Variants in CNBD1 observed in about 807,000 individuals in gnomAD.
CNBD1 encodes cyclic nucleotide binding domain containing 1.
Under a neutral mutation model 54.4 loss-of-function variants are expected in CNBD1, and 71 were observed. The observed-to-expected ratio is 1.30, with a 90% CI of 1.08 to 1.59. The LOEUF (loss-of-function observed/expected upper bound fraction) is 1.59, where lower values mean the gene tolerates loss of function less well. Among genes scored for constraint, CNBD1 ranks in the 40% most tolerant of loss-of-function variants. CNBD1 has a pLI of 0.00. For synonymous variants in CNBD1, 182 were observed against 170.7 expected, an observed-to-expected ratio of 1.07 and a Z score of -0.51; for missense variants, 659 against 518.0, an observed-to-expected ratio of 1.27 and a Z score of -2.64.
intron 4 of CNBD1, among the ~76,000 whole-genome samples, chr8:87,046,491 G>A (rs1034486966): frequency 5.3e-5 from 8 of 151,952 alleles, no homozygotes; most frequent in African/African-American, 9.7e-5. Context: ...ATAATAGGTC[G>A]GGGACCACTG....
At chr8:87,352,217 A>C (rs967728350) in intron 9 of CNBD1, among the ~76,000 whole-genome samples, 5 of 152,164 alleles carry the variant, frequency 3.3e-5, no homozygotes, top group Non-Finnish European at 5.9e-5. Context: ...ACAGTGGCTC[A>C]TGTCTGTAAT....
intron 5 of CNBD1, among the ~76,000 whole-genome samples, chr8:87,211,959 T>A (rs930588567): frequency 2.6e-5 from 4 of 152,160 alleles, no homozygotes; most frequent in Non-Finnish European, 4.4e-5. Flanking sequence ...ATTAATGTAT[T>A]AAATTGGTAA....
chr8:87,370,726 G>C (rs1448156915), intron 10 of CNBD1, among the ~76,000 whole-genome samples: 1 of 148,154 alleles, frequency 6.7e-6, no homozygotes, highest in Non-Finnish European at 1.5e-5. Context: ...AAGCTCTTTA[G>C]TTTAATTAGA....
At chr8:87,199,438 A>G (rs986937775) in intron 4 of CNBD1, among the ~76,000 whole-genome samples, 4 of 152,206 alleles carry the variant, frequency 2.6e-5, no homozygotes, top group African/African-American at 9.6e-5. Flanking sequence ...GGAGGTAAGT[A>G]TACACTCTTG....
intron 8 of CNBD1, among the ~76,000 whole-genome samples, chr8:87,321,710 C>A (rs1259201188): frequency 6.6e-6 from 1 of 151,584 alleles, no homozygotes. Context: ...TCTCATTTGT[C>A]TATTTTTGCT....
chr8:87,389,359 C>A (rs1811260414), intron 2 of CNBD1, among the ~76,000 whole-genome samples: 1 of 152,146 alleles, frequency 6.6e-6, no homozygotes, highest in Admixed American at 6.6e-5. Context: ...ACCCCAGCGT[C>A]TCAGCCCAAA....
At chr8:87,257,751 T>C (rs569325661) in intron 6 of CNBD1, among the ~76,000 whole-genome samples, 10 of 152,286 alleles carry the variant, frequency 6.6e-5, no homozygotes, top group Admixed American at 5.9e-4. Context: ...ACAGGTAATT[T>C]GACTTAGACT....
chr8:87,228,263 G>C (rs1483116691), intron 5 of CNBD1, among the ~76,000 whole-genome samples: 2 of 151,398 alleles, frequency 1.3e-5, no homozygotes, highest in Admixed American at 6.6e-5. Context: ...TCTCCGTCCA[G>C]CTTTGTTCCG....
At chr8:87,035,202 G>A (rs1231685362) in intron 4 of CNBD1, among the ~76,000 whole-genome samples, 1 of 151,980 alleles carries the variant, frequency 6.6e-6, no homozygotes, top group East Asian at 1.9e-4. Flanking sequence ...TTAAATGCAG[G>A]GGGTGCACAT....
chr8:87,007,446 G>C (rs1809126537), intron 4 of CNBD1, among the ~76,000 whole-genome samples: 1 of 151,906 alleles, frequency 6.6e-6, no homozygotes, highest in African/African-American at 2.4e-5. Flanking sequence ...TTATCTTTCA[G>C]ATGTAAAAAG....
chr8:87,236,358 T>C (rs1320808576), intron 5 of CNBD1, among the ~76,000 whole-genome samples: 1 of 152,114 alleles, frequency 6.6e-6, no homozygotes, highest in Non-Finnish European at 1.5e-5. Context: ...TGACAGTTTT[T>C]AGAGATTTAT....
chr8:87,099,026 C>T (rs1563468122), intron 4 of CNBD1, among the ~76,000 whole-genome samples: 2 of 101,702 alleles, frequency 2.0e-5, no homozygotes. Flanking sequence ...CAGAGCAAGA[C>T]TGTGTCTCAA....
intron 4 of CNBD1, among the ~76,000 whole-genome samples, chr8:87,025,661 C>T (rs554950351): frequency 3.3e-5 from 5 of 152,272 alleles, no homozygotes; most frequent in South Asian, 2.1e-4. Flanking sequence ...AGCAAGACAA[C>T]GAACCCAGTG....
intron 6 of CNBD1, among the ~76,000 whole-genome samples, chr8:87,258,823 C>T (rs904653460): frequency 1.3e-5 from 2 of 152,050 alleles, no homozygotes; most frequent in Non-Finnish European, 2.9e-5. Flanking sequence ...CCCTGTTGTG[C>T]TTTTATTTAC....
intron 1 of CNBD1, among the ~76,000 whole-genome samples, chr8:86,883,917 C>T (rs1035391117): frequency 6.6e-6 from 1 of 151,926 alleles, no homozygotes. Context: ...TTTGGGAGGC[C>T]GAGGTGGGCG....
At chr8:87,237,898 T>C (rs914234137) in intron 6 of CNBD1, among the ~76,000 whole-genome samples, 2 of 152,174 alleles carry the variant, frequency 1.3e-5, no homozygotes, top group Admixed American at 6.6e-5. Flanking sequence ...AGTATATTAT[T>C]CATCTCACAT....
chr8:87,002,596 T>C (rs1290814591), intron 4 of CNBD1, among the ~76,000 whole-genome samples: 1 of 152,056 alleles, frequency 6.6e-6, no homozygotes, highest in Non-Finnish European at 1.5e-5. Flanking sequence ...ACCTTTTTTT[T>C]TTTTTCAAAT....
intron 4 of CNBD1, among the ~76,000 whole-genome samples, chr8:87,105,650 T>C (rs1299476301): frequency 1.3e-5 from 2 of 152,154 alleles, no homozygotes; most frequent in Admixed American, 6.5e-5. Context: ...AAGCATGGCC[T>C]CCCACCTGAC....
intron 4 of CNBD1, among the ~76,000 whole-genome samples, chr8:87,087,234 CATATATATATACGTAT>C (rs1382080375): frequency 1.4e-5 from 2 of 138,770 alleles, no homozygotes; most frequent in South Asian, 2.2e-4. Flanking sequence ...CACACACACA[CATATATATATACGTAT>C]ATATATATAT....
Sources: gnomAD v4.1 joint callset for allele counts (sites outside exome capture counted in the v4.1 genomes callset) on GRCh38, gnomAD v4.1.1 for gene constraint, MANE v1.5 for transcripts, NCBI Gene and HGNC (gene_info 2026-07-23, HGNC 2026-07-21) for gene names.